The following STEAP4 variants were observed in gnomAD, a reference collection of about 807,000 sequenced individuals.
STEAP4 encodes the protein metalloreductase STEAP4.
A neutral mutation model predicts 43.6 loss-of-function variants in STEAP4; 36 were observed. The ratio of observed to expected loss-of-function variants is 0.83; its 90% CI spans 0.63 to 1.09. The LOEUF is 1.09. Among genes scored for constraint, STEAP4 ranks in the 50% least tolerant of loss-of-function variants. The pLI, the probability that STEAP4 is intolerant of heterozygous loss-of-function variation, is 0.00. For synonymous variants in STEAP4, 191 were observed against 196.7 expected (o/e 0.97, Z 0.24); for missense variants, 495 against 546.5 (o/e 0.91, Z 0.94).
At chr7:88,305,250 A>C (rs1047847788) in intron 1 of STEAP4, among the ~76,000 whole-genome samples, 6 of 152,186 alleles carry the variant, frequency 3.9e-5, no homozygotes, top group African/African-American at 1.4e-4. Context: ...CACATGTACC[A>C]TTTACTTTAC....
In STEAP4 at chr7:88,272,251, C is replaced by T. The variant is rs1042348867; in HGVS notation, c.*7147G>A. On this transcript the variant is annotated 3_prime_UTR_variant, in exon 5 of 5. Coordinates refer to ENST00000380079, the MANE Select transcript of STEAP4 (RefSeq NM_024636.4). Reference sequence around the variant, plus strand: ...GTGGATGAAAAGCACAGTTTCCTTTCCCCTTGATGGGAATAACTCTTAGTT... The same window carrying T: ...GTGGATGAAAAGCACAGTTTCCTTTTCCCTTGATGGGAATAACTCTTAGTT... The T allele has an allele frequency of 6.6e-6, 1 of 152,194 alleles. No homozygotes were observed. The highest frequency in any genetic ancestry group is 2.4e-5 in the African/African-American group (1 of 41,446). 9.4% of individuals were successfully genotyped at this position (152,194 alleles called of 1,614,324 possible). A position where few individuals can be genotyped will look rare whatever the true frequency, so the allele number is the denominator to read the frequency against.
At chr7:88,284,337 G>A (rs1273404266) in intron 1 of STEAP4, 66 bp from the exon 2 acceptor site, 3 of 1,140,776 alleles carry the variant, frequency 2.6e-6, no homozygotes, top group Non-Finnish European at 3.7e-6. Flanking sequence ...ATTAAAGAGA[G>A]CTATATTCAA....
In STEAP4 at chr7:88,279,032, C is replaced by A; in HGVS notation, c.*366G>T. The A allele has an allele frequency of 4.5e-6, 1 of 220,868 alleles. No homozygotes were observed. The highest frequency in any genetic ancestry group is 2.3e-5 in the African/African-American group (1 of 43,918). The allele number at this position is 220,868 out of a possible 1,614,324, so 13.7% of individuals were successfully genotyped here. ...CTTTCACTTAACTCAGCCCTTGAGC[C>A]AGAGAAGGAAGCTGCAATACTTCTA... is the stretch of plus-strand genomic sequence containing the variant. On this transcript the variant is annotated 3_prime_UTR_variant, in exon 5 of 5. Coordinates refer to ENST00000380079, the MANE Select transcript of STEAP4 (RefSeq NM_024636.4).
intron 1 of STEAP4, among the ~76,000 whole-genome samples, chr7:88,302,082 T>C (rs1260188620): frequency 6.6e-6 from 1 of 152,226 alleles, no homozygotes; most frequent in African/African-American, 2.4e-5. Context: ...TGCCTCTCCC[T>C]GAATGGTAGG....
In STEAP4 at chr7:88,275,971, C is replaced by T. The variant is rs1420200930; in HGVS notation, c.*3427G>A. 1 of 152,188 alleles carries T rather than the reference C, an allele frequency of 6.6e-6. No individual in the cohort carries two copies. The highest frequency in any genetic ancestry group is 1.5e-5 in the Non-Finnish European group (1 of 68,048). 9.4% of individuals were successfully genotyped at this position (152,188 alleles called of 1,614,324 possible). ...CTATTTTTGAAAGCAGGATAACACCCATCAGAGCTGCAGCAGTCCAGTTGT... is the reference window on the plus strand; with the variant it reads ...CTATTTTTGAAAGCAGGATAACACCTATCAGAGCTGCAGCAGTCCAGTTGT... On this transcript the variant is annotated 3_prime_UTR_variant, in exon 5 of 5. Coordinates refer to ENST00000380079, the MANE Select transcript of STEAP4 (RefSeq NM_024636.4).
rs560289188 is a variant in STEAP4 at position 88,276,323 on chromosome 7, A to T, written c.*3075T>A. 6.6e-6 allele frequency: 1 copy of T among 152,316 alleles called. No homozygotes were observed. The highest frequency in any genetic ancestry group is 2.4e-5 in the African/African-American group (1 of 41,572). 9.4% of individuals were successfully genotyped at this position (152,316 alleles called of 1,614,324 possible). ...TTCTCTTTTGCTTATCCCTGAAGGG[A>T]AGTATTTTTAGTCCCAGATGCTGGA... On this transcript the variant is annotated 3_prime_UTR_variant, in exon 5 of 5. Coordinates refer to ENST00000380079, the MANE Select transcript of STEAP4 (RefSeq NM_024636.4).
rs189626581 is a variant in STEAP4 at position 88,298,537 on chromosome 7, G to A, written c.-3+8255C>T. Among the ~76,000 whole-genome samples the A allele has an allele frequency of 2.8e-3, 418 of 150,160 alleles. 2 individuals carry two copies. Among genetic ancestry groups the A allele is most frequent in the African/African-American group, 9.2e-3 (375 of 40,672 alleles). On this transcript the variant is annotated intron_variant, in intron 1 of 4. Coordinates refer to ENST00000380079, the MANE Select transcript of STEAP4 (RefSeq NM_024636.4). ...TTTTACTCCAGGGGGAGAGGAACTTGAGTTAAAGAGAGCAAAAGCTTATCC... is the reference window on the plus strand; with the variant it reads ...TTTTACTCCAGGGGGAGAGGAACTTAAGTTAAAGAGAGCAAAAGCTTATCC...
rs1024827838 is a variant in STEAP4 at position 88,271,119 on chromosome 7, A to T, written c.*8279T>A. The T allele has an allele frequency of 1.3e-5, 2 of 152,154 alleles. No homozygotes were observed. The highest frequency in any genetic ancestry group is 2.4e-5 in the African/African-American group (1 of 41,452). The allele number at this position is 152,154 out of a possible 1,614,324, so 9.4% of individuals were successfully genotyped here. On this transcript the variant is annotated 3_prime_UTR_variant, in exon 5 of 5. Transcript: ENST00000380079. ...TATTATTGTTAACTGTAGTCATCCT[A>T]CAGAGCTATAGAACACTACAACTTA...
At position 88,282,643 on chromosome 7, in the gene STEAP4, G is replaced by A. The variant is rs748140410; in HGVS notation, c.982C>T (p.Gln328Ter). ...AAAATATATAAGAAGAGATTTACCT[G>A]GGTAACGGTTAAGTTTCCCAATCTC... is the stretch of plus-strand genomic sequence containing the variant. ...RWRLGNLTVT[Q>*]AILKKENPFS... The change falls in exon 3 of 5, where the codon CAG (glutamine) becomes TAG (stop). Residue 328 changes from glutamine to a stop codon, truncating the protein, a stop_gained and splice_region_variant. Coordinates refer to ENST00000380079, the MANE Select transcript of STEAP4 (RefSeq NM_024636.4). LOFTEE classifies it high-confidence loss of function. 6.8e-6 allele frequency: 11 copies of A among 1,611,382 alleles called. 1 individual carries two copies. The South Asian group carries it at 1.2e-4, about 18-fold the overall frequency.
In STEAP4 at chr7:88,273,262, C is replaced by G. The variant is rs1313463038; in HGVS notation, c.*6136G>C. 6.6e-6 allele frequency: 1 copy of G among 152,162 alleles called. No individual in the cohort carries two copies. The highest frequency in any genetic ancestry group is 1.5e-5 in the Non-Finnish European group (1 of 68,010). The allele number at this position is 152,162 out of a possible 1,614,324, so 9.4% of individuals were successfully genotyped here. A position where few individuals can be genotyped will look rare whatever the true frequency, so the allele number is the denominator to read the frequency against. ...GGAAGTCTGTCATTCTTTTTCATCT[C>G]TATCTTAGCATGAAAGAAAGGATTA... is the stretch of plus-strand genomic sequence containing the variant. On this transcript the variant is annotated 3_prime_UTR_variant, in exon 5 of 5. Transcript: ENST00000380079.
At chr7:88,279,879 C>T (rs1852588756) in intron 4 of STEAP4, among the ~76,000 whole-genome samples, 1 of 152,110 alleles carries the variant, frequency 6.6e-6, no homozygotes, top group African/African-American at 2.4e-5. Flanking sequence ...AAAAGTTTCC[C>T]AGGAGTAAAC....
chr7:88,289,061 C>CGT (rs144044107), intron 1 of STEAP4, among the ~76,000 whole-genome samples: 3,724 of 148,348 alleles, frequency 0.025, 59 homozygotes, highest in Non-Finnish European at 0.031. Context: ...CATGCATGCG[C>CGT]GTGTGTGTGT....
chr7:88,281,001 C>T lies in STEAP4; in HGVS notation c.1063G>A (p.Gly355Arg). Reference sequence around the variant, plus strand: ...CCCAAGAGTACAAACAGAAAAAACCCAAGTATTCCCAAAGCCACATATGAA... The same window carrying T: ...CCCAAGAGTACAAACAGAAAAAACCTAAGTATTCCCAAAGCCACATATGAA... ...SDSYVALGIL[G>R]FFLFVLLGIT... The change falls in exon 4 of 5, where the codon GGG becomes AGG. Residue 355 changes from glycine (G) to arginine (R), a missense_variant. Coordinates refer to ENST00000380079, the MANE Select transcript of STEAP4 (RefSeq NM_024636.4). 6.2e-7 allele frequency: 1 copy of T among 1,613,234 alleles called. No individual in the cohort carries two copies. Among genetic ancestry groups the T allele is most frequent in the Non-Finnish European group, 8.5e-7 (1 of 1,179,680 alleles).
At chr7:88,290,026 A>G (rs987682284) in intron 1 of STEAP4, among the ~76,000 whole-genome samples, 1 of 152,184 alleles carries the variant, frequency 6.6e-6, no homozygotes, top group Non-Finnish European at 1.5e-5. Flanking sequence ...AAATTATTTT[A>G]TCCTAATATT....
intron 2 of STEAP4, chr7:88,283,375 G>C (rs1263187760): frequency 1.8e-6 from 1 of 548,768 alleles, no homozygotes; most frequent in Non-Finnish European, 3.0e-6. Flanking sequence ...GTTTTTAGTT[G>C]ATGATGGTTT....
At position 88,279,541 on chromosome 7, in the gene STEAP4, T is replaced by C. The variant is rs1852578271; in HGVS notation, c.1237A>G (p.Arg413Gly). 1.2e-6 allele frequency: 2 copies of C among 1,613,382 alleles called. No individual in the cohort carries two copies. The highest frequency in any genetic ancestry group is 1.7e-6 in the Non-Finnish European group (2 of 1,179,340). Residue 413 changes from arginine (R) to glycine (G), a missense_variant, in exon 5 of 5, where the codon AGA becomes GGA. Arg to Gly is a moderately radical substitution (Grantham distance 125, BLOSUM62 -2). Transcript: ENST00000380079. The part of the protein sequence containing the change: ...GKRFLSPSNL[R>G]WYLPAAYVLG... ...ACGTAGGCTGCAGGAAGATACCATC[T>C]GAGATTTGAAGGGCTGAGGAATCTC...
intron 1 of STEAP4, among the ~76,000 whole-genome samples, chr7:88,304,770 G>T (rs1342065326): frequency 1.3e-5 from 2 of 151,908 alleles, no homozygotes; most frequent in Admixed American, 1.3e-4. Context: ...AGAACTAGGT[G>T]GTAAGGATCC....
At chr7:88,302,951 C>CAAAAAA (rs35493493) in intron 1 of STEAP4, among the ~76,000 whole-genome samples, 7 of 51,488 alleles carry the variant, frequency 1.4e-4, no homozygotes, top group African/African-American at 4.7e-4. Context: ...GAGACTGTCT[C>CAAAAAA]AAAAAAAAAA....
intron 1 of STEAP4, among the ~76,000 whole-genome samples, chr7:88,291,535 C>T (rs549750607): frequency 6.8e-6 from 1 of 146,988 alleles, no homozygotes; most frequent in African/African-American, 2.5e-5. Context: ...TGCACACTCT[C>T]AACCACAAGG....
Sources: gnomAD v4.1 joint callset for allele counts (sites outside exome capture counted in the v4.1 genomes callset) on GRCh38, gnomAD v4.1.1 for gene constraint, MANE v1.5 for transcripts, NCBI Gene and HGNC (gene_info 2026-07-23, HGNC 2026-07-21) for gene names.